CAMKMT: variants seen among roughly 807,000 people sequenced by gnomAD.
The protein encoded by CAMKMT is calmodulin-lysine N-methyltransferase.
Under a neutral mutation model 48.0 loss-of-function variants are expected in CAMKMT, and 53 were observed. The observed-to-expected ratio is 1.10, with a 90% CI of 0.89 to 1.39. CAMKMT has a LOEUF of 1.39. Among genes scored for constraint, CAMKMT ranks in the 40% most tolerant of loss-of-function variants. CAMKMT has a pLI of 0.00. For synonymous variants in CAMKMT, 165 were observed against 152.3 expected (o/e 1.08, Z -0.61); for missense variants, 428 against 402.7 (o/e 1.06, Z -0.54).
At chr2:44,531,031 G>T (rs1214612357) in intron 3 of CAMKMT, among the ~76,000 whole-genome samples, 2 of 151,878 alleles carry the variant, frequency 1.3e-5, no homozygotes, top group Non-Finnish European at 2.9e-5. Flanking sequence ...TAATTAATAT[G>T]AGGAACACAG....
At chr2:44,669,828 A>G (rs965903838) in intron 3 of CAMKMT, among the ~76,000 whole-genome samples, 4 of 151,680 alleles carry the variant, frequency 2.6e-5, no homozygotes, top group Non-Finnish European at 5.9e-5. Flanking sequence ...TGTAGAGACG[A>G]AGTTTCACCA....
intron 1 of CAMKMT, among the ~76,000 whole-genome samples, chr2:44,364,722 T>C (rs1334811531): frequency 2.0e-5 from 3 of 152,214 alleles, no homozygotes; most frequent in Non-Finnish European, 2.9e-5. Flanking sequence ...ATTTATTTTG[T>C]TGGTGCATCT....
intron 3 of CAMKMT, among the ~76,000 whole-genome samples, chr2:44,535,360 G>A (rs888509888): frequency 1.3e-5 from 2 of 152,078 alleles, no homozygotes; most frequent in Admixed American, 6.5e-5. Flanking sequence ...AATGCAAGAG[G>A]AGGGAATACT....
chr2:44,471,119 C>T (rs1186349132), intron 3 of CAMKMT, among the ~76,000 whole-genome samples: 1 of 151,170 alleles, frequency 6.6e-6, no homozygotes, highest in Admixed American at 6.6e-5. Flanking sequence ...CTCAGCCTCC[C>T]AAGTATCTGG....
chr2:44,452,091 A>G (rs1667319022), intron 3 of CAMKMT, among the ~76,000 whole-genome samples: 1 of 151,972 alleles, frequency 6.6e-6, no homozygotes, highest in African/African-American at 2.4e-5. Context: ...TGGTGGTTTA[A>G]AAAGCTAACT....
At chr2:44,635,963 T>C (rs1020952983) in intron 3 of CAMKMT, among the ~76,000 whole-genome samples, 3 of 152,184 alleles carry the variant, frequency 2.0e-5, no homozygotes, top group Admixed American at 6.5e-5. Flanking sequence ...ATATAGATAT[T>C]TCAGTGGGCT....
intron 3 of CAMKMT, among the ~76,000 whole-genome samples, chr2:44,411,447 C>G (rs1234060943): frequency 1.3e-5 from 2 of 152,068 alleles, no homozygotes; most frequent in African/African-American, 2.4e-5. Context: ...AAAATTTGAC[C>G]TTGGTCATAT....
chr2:44,403,619 T>A (rs558912679), intron 3 of CAMKMT, among the ~76,000 whole-genome samples: 1 of 152,206 alleles, frequency 6.6e-6, no homozygotes, highest in Non-Finnish European at 1.5e-5. Context: ...ATGTACTTAC[T>A]TTTATTTTAG....
intron 3 of CAMKMT, among the ~76,000 whole-genome samples, chr2:44,448,227 G>A (rs1044089356): frequency 3.9e-5 from 6 of 151,986 alleles, no homozygotes; most frequent in South Asian, 2.1e-4. Context: ...TGCTCCTTAC[G>A]CACGGGTTTG....
intron 3 of CAMKMT, among the ~76,000 whole-genome samples, chr2:44,465,146 TGTAAA>T (rs1668044108): frequency 6.6e-6 from 1 of 151,908 alleles, no homozygotes; most frequent in South Asian, 2.1e-4. Flanking sequence ...AGGGAAGAGA[TGTAAA>T]GGAATGAAAT....
At chr2:44,493,328 C>G (rs1036695529) in intron 3 of CAMKMT, among the ~76,000 whole-genome samples, 2 of 152,136 alleles carry the variant, frequency 1.3e-5, no homozygotes, top group Admixed American at 6.5e-5. Flanking sequence ...AAATATCTGC[C>G]TATATACTGT....
chr2:44,381,378 C>T (rs563190779), intron 2 of CAMKMT, among the ~76,000 whole-genome samples: 11 of 151,914 alleles, frequency 7.2e-5, no homozygotes, highest in Non-Finnish European at 1.6e-4. Context: ...TTTATTTCAT[C>T]CTGATATATG....
chr2:44,628,335 C>G (rs1385198482), intron 3 of CAMKMT, among the ~76,000 whole-genome samples: 3 of 152,094 alleles, frequency 2.0e-5, no homozygotes, highest in Admixed American at 2.0e-4. Flanking sequence ...CTTCAGAGAA[C>G]TGGCTTTTTG....
intron 3 of CAMKMT, among the ~76,000 whole-genome samples, chr2:44,505,180 TGA>T (rs1421093256): frequency 1.3e-5 from 2 of 151,998 alleles, no homozygotes; most frequent in African/African-American, 4.8e-5. Context: ...GATTTCAACA[TGA>T]GATTTGGAGG....
At chr2:44,578,373 A>G (rs1296764876) in intron 3 of CAMKMT, among the ~76,000 whole-genome samples, 1 of 152,216 alleles carries the variant, frequency 6.6e-6, no homozygotes, top group East Asian at 1.9e-4. Context: ...ATGATATTTT[A>G]AATTTTGCTG....
chr2:44,682,567 T>C (rs867979074), intron 3 of CAMKMT, among the ~76,000 whole-genome samples: 60 of 152,156 alleles, frequency 3.9e-4, no homozygotes, highest in African/African-American at 1.3e-3. Flanking sequence ...TATCCTAAGG[T>C]TTGATATATC....
chr2:44,472,172 G>A (rs1462858291), intron 3 of CAMKMT, among the ~76,000 whole-genome samples: 11 of 152,108 alleles, frequency 7.2e-5, no homozygotes, highest in Non-Finnish European at 1.3e-4. Flanking sequence ...CTGGGTTCAC[G>A]CCATTCTTCT....
chr2:44,567,486 C>T (rs1367793687), intron 3 of CAMKMT, among the ~76,000 whole-genome samples: 2 of 152,160 alleles, frequency 1.3e-5, no homozygotes, highest in Non-Finnish European at 2.9e-5. Context: ...GCTTCTCTCC[C>T]ATGTCAATCC....
At chr2:44,567,961 A>G (rs1668704022) in intron 3 of CAMKMT, among the ~76,000 whole-genome samples, 1 of 151,186 alleles carries the variant, frequency 6.6e-6, no homozygotes, top group African/African-American at 2.4e-5. Flanking sequence ...CTTATTTACA[A>G]GTAAGTACTG....
Sources: allele counts gnomAD v4.1 joint callset (sites outside exome capture counted in the v4.1 genomes callset), GRCh38; gene constraint gnomAD v4.1.1; transcripts MANE v1.5; gene names NCBI Gene and HGNC (gene_info 2026-07-23, HGNC 2026-07-21).